Variants in RFC2 observed in about 807,000 individuals in gnomAD.
The protein encoded by RFC2 is A1 40 kDa subunit.
In RFC2, 34 loss-of-function variants were observed where a neutral mutation model predicts 44.8. The observed-to-expected ratio is 0.76, with a 90% CI of 0.58 to 1.01. The LOEUF (loss-of-function observed/expected upper bound fraction) is 1.01, where lower values mean the gene tolerates loss of function less well. Among genes scored for constraint, RFC2 ranks in the 50% least tolerant of loss-of-function variants. RFC2 has a pLI of 0.00. For synonymous variants in RFC2, 177 were observed against 168.9 expected (o/e 1.05, Z -0.37); for missense variants, 400 against 453.6 (o/e 0.88, Z 1.07).
rs1404510762 is a variant in RFC2 at position 74,254,264 on chromosome 7, A to G, written c.113+7T>C. The G allele has an allele frequency of 4.4e-5, 71 of 1,601,152 alleles. No homozygotes were observed. The highest frequency in any genetic ancestry group is 5.9e-5 in the Non-Finnish European group (69 of 1,169,376). On this transcript the variant is annotated splice_region_variant and intron_variant, in intron 1 of 10. Coordinates refer to ENST00000055077, the MANE Select transcript of RFC2 (RefSeq NM_181471.3). ...ACGCGCCCATTCTTTACGGCCTGGGACCTCACCACGGCAGTTCGTAGTGGC... is the reference window on the plus strand; with the variant it reads ...ACGCGCCCATTCTTTACGGCCTGGGGCCTCACCACGGCAGTTCGTAGTGGC...
intron 1 of RFC2, 109 bp downstream of exon 1, chr7:74,254,162 G>A (rs1554721528): frequency 8.8e-6 from 7 of 799,324 alleles, no homozygotes; most frequent in South Asian, 8.8e-5. Context: ...CTCCTCCCTC[G>A]GGATTCCCCA....
At chr7:74,250,975 C>T (rs527854489) in intron 2 of RFC2, among the ~76,000 whole-genome samples, 12 of 152,166 alleles carry the variant, frequency 7.9e-5, no homozygotes, top group South Asian at 6.2e-4. Flanking sequence ...TTAGTAGAGA[C>T]GGGGTTTTGC....
At chr7:74,247,405 G>A (rs1466857631) in intron 4 of RFC2, among the ~76,000 whole-genome samples, 1 of 152,164 alleles carries the variant, frequency 6.6e-6, no homozygotes, top group Non-Finnish European at 1.5e-5. Flanking sequence ...CACTTTAGGA[G>A]GCCAAGGTGG....
At position 74,231,929 on chromosome 7, in the gene RFC2, C is replaced by T; in HGVS notation, c.*177G>A. The T allele has an allele frequency of 1.5e-5, 8 of 516,782 alleles. No individual in the cohort carries two copies. Among genetic ancestry groups the T allele is most frequent in the South Asian group, 2.6e-5 (1 of 38,022 alleles). 32.0% of individuals were successfully genotyped at this position (516,782 alleles called of 1,614,324 possible). A position where few individuals can be genotyped will look rare whatever the true frequency, so the allele number is the denominator to read the frequency against. ...TTCTGACCTCAGGTGATCCACCTGC[C>T]TCGGCCTCCCAAAGTGTTGGGATTA... On this transcript the variant is annotated 3_prime_UTR_variant, in exon 11 of 11. Transcript: ENST00000055077.
At position 74,246,709 on chromosome 7, in the gene RFC2, A is replaced by T. The variant is rs111490006; in HGVS notation, c.387T>A (p.Thr129=). The change falls in exon 5 of 11, where the codon ACT becomes ACA. Residue 129 remains threonine, a synonymous_variant. Transcript: ENST00000055077. ...KIKMFAQQKV[T]LPKGRHKIII... ...TGATCTTATGTCGGCCTTTGGGAAGAGTGACTTTTTGTTGAGCAAACATTT... is the reference window on the plus strand; with the variant it reads ...TGATCTTATGTCGGCCTTTGGGAAGTGTGACTTTTTGTTGAGCAAACATTT... The T allele has an allele frequency of 1.1e-3, 1,699 of 1,613,374 alleles. 12 individuals are homozygous for T. In the African/African-American group the frequency reaches 0.02, roughly 19 times the overall value.
intron 2 of RFC2, among the ~76,000 whole-genome samples, chr7:74,250,156 CAA>C (rs386714687): frequency 1.8e-5 from 2 of 108,752 alleles, no homozygotes; most frequent in Non-Finnish European, 3.5e-5. Context: ...GTCTCAAAAA[CAA>C]AAAAAAAAAA....
At chr7:74,242,667 A>G (rs1352869153) in intron 6 of RFC2, among the ~76,000 whole-genome samples, 1 of 151,270 alleles carries the variant, frequency 6.6e-6, no homozygotes, top group African/African-American at 2.4e-5. Context: ...CTGTAATTCC[A>G]GCACTTTGGG....
intron 10 of RFC2, among the ~76,000 whole-genome samples, chr7:74,233,046 A>G (rs1283823127): frequency 1.3e-5 from 2 of 151,816 alleles, no homozygotes; most frequent in African/African-American, 2.4e-5. Context: ...ACTCTACGAA[A>G]AAAAGAAAAT....
rs982628443 is a variant in RFC2 at position 74,249,271 on chromosome 7, T to G, written c.226-153A>C. 1.3e-5 allele frequency: 19 copies of G among 1,408,798 alleles called. No homozygotes were observed. The African/African-American group carries it at 2.1e-4, about 16-fold the overall frequency. 87.3% of individuals were successfully genotyped at this position (1,408,798 alleles called of 1,614,324 possible). On this transcript the variant is annotated intron_variant, in intron 3 of 10. Transcript: ENST00000055077. ...GATCAATACAGCTGGCCGGAGACAG[T>G]GGCTCACACCTATAATCCCAGCACT... is the stretch of plus-strand genomic sequence containing the variant.
At chr7:74,236,394 T>C (rs1554718310) in intron 9 of RFC2, among the ~76,000 whole-genome samples, 13 of 152,200 alleles carry the variant, frequency 8.5e-5, no homozygotes, top group Non-Finnish European at 1.8e-4. Context: ...AACTATGCCC[T>C]AAACCCAGTC....
chr7:74,252,351 G>A, intron 2 of RFC2, 78 bp downstream of exon 2: 1 of 779,350 alleles, frequency 1.3e-6, no homozygotes, highest in Non-Finnish European at 2.2e-6. Context: ...AGCTTGCAGT[G>A]AGCGGAGATC....
chr7:74,243,361 A>G, intron 5 of RFC2, 115 bp from the exon 6 acceptor site: 2 of 711,536 alleles, frequency 2.8e-6, no homozygotes, highest in Non-Finnish European at 5.0e-6. Context: ...TGAGGGTCTC[A>G]TTGGAAGTAC....
intron 6 of RFC2, among the ~76,000 whole-genome samples, chr7:74,240,626 C>T (rs781837738): frequency 4.6e-5 from 7 of 152,068 alleles, no homozygotes; most frequent in African/African-American, 1.7e-4. Flanking sequence ...CCTTGGCTAG[C>T]CACGGCTTCC....
At chr7:74,249,595 T>C (rs1301916385) in intron 3 of RFC2, 144 bp downstream of exon 3, 3 of 657,460 alleles carry the variant, frequency 4.6e-6, no homozygotes, top group East Asian at 2.7e-5. Flanking sequence ...ACCCCAGGCC[T>C]CCCAACTAGA....
chr7:74,236,667 G>A (rs1803031329), intron 9 of RFC2, among the ~76,000 whole-genome samples: 2 of 152,180 alleles, frequency 1.3e-5, no homozygotes, highest in African/African-American at 4.8e-5. Context: ...CCCTTAACTG[G>A]AGAGAAGATG....
In RFC2 at chr7:74,254,389, C is replaced by A; in HGVS notation, c.-6G>T. On this transcript the variant is annotated 5_prime_UTR_variant, in exon 1 of 11. Coordinates refer to ENST00000055077, the MANE Select transcript of RFC2 (RefSeq NM_181471.3). ...CAGACGGCCTCCACCTCCATTCTCG[C>A]GCCTCCTCTTCCCGCCACCCGAGGC... 2 of 1,583,216 alleles carry A rather than the reference C, an allele frequency of 1.3e-6. No homozygotes were observed. Among genetic ancestry groups the A allele is most frequent in the South Asian group, 1.1e-5 (1 of 88,826 alleles).
At chr7:74,240,657 A>G (rs897380112) in intron 6 of RFC2, among the ~76,000 whole-genome samples, 2 of 152,218 alleles carry the variant, frequency 1.3e-5, no homozygotes, top group Non-Finnish European at 2.9e-5. Flanking sequence ...ATGATCCTCC[A>G]GTAGAAACAC....
Position 74,238,792 on chromosome 7 carries a change from G to C in RFC2, c.759+131C>G. ...ATAGGGAGAGGACAGACGGGAGCAGGGTGGGCTCCCTGGCACCCACAAGAG... is the reference window on the plus strand; with the variant it reads ...ATAGGGAGAGGACAGACGGGAGCAGCGTGGGCTCCCTGGCACCCACAAGAG... On this transcript the variant is annotated intron_variant, in intron 8 of 10. Coordinates refer to ENST00000055077, the MANE Select transcript of RFC2 (RefSeq NM_181471.3). This position sits in a 1 kb window ranked among gnomAD's most constrained non-coding sequence, Gnocchi z 4.0. 1 of 692,216 alleles carries C rather than the reference G, an allele frequency of 1.4e-6. No individual in the cohort carries two copies. The highest frequency in any genetic ancestry group is 2.6e-6 in the Non-Finnish European group (1 of 388,154). The allele number at this position is 692,216 out of a possible 1,614,324, so 42.9% of individuals were successfully genotyped here. A position where few individuals can be genotyped will look rare whatever the true frequency, so the allele number is the denominator to read the frequency against.
intron 10 of RFC2, chr7:74,233,784 T>A (rs1207062247): frequency 1.5e-5 from 7 of 456,224 alleles, no homozygotes; most frequent in Non-Finnish European, 3.1e-5. Flanking sequence ...CCTATTAGAA[T>A]GGCTTAAAAA....
Sources: gnomAD v4.1 joint callset for allele counts (sites outside exome capture counted in the v4.1 genomes callset) on GRCh38, gnomAD v4.1.1 for gene constraint, Gnocchi (gnomAD v3.1) non-coding constraint, MANE v1.5 for transcripts, NCBI Gene and HGNC (gene_info 2026-07-23, HGNC 2026-07-21) for gene names.